The following BLM variants were observed in gnomAD, a reference collection of about 807,000 sequenced individuals.
BLM encodes recQ-like DNA helicase BLM.
In BLM, 95 loss-of-function variants were observed where a neutral mutation model predicts 135.3. That is an observed-to-expected ratio of 0.70 (90% confidence interval 0.59 to 0.83). The LOEUF is 0.83. Among genes scored for constraint, BLM ranks in the 40% least tolerant of loss-of-function variants. The probability of loss-of-function intolerance (pLI) is 0.00; values close to 1 mark genes in which losing one functional copy is unlikely to be tolerated. For synonymous variants in BLM, 520 were observed against 589.2 expected, an observed-to-expected ratio of 0.88 and a Z score of 1.70; for missense variants, 1,518 against 1,663.9, an observed-to-expected ratio of 0.91 and a Z score of 1.53.
intron 5 of BLM, among the ~76,000 whole-genome samples, chr15:90,759,690 T>C (rs1895910196): frequency 6.6e-6 from 1 of 151,824 alleles, no homozygotes; most frequent in African/African-American, 2.4e-5. Context: ...CACTGCAACC[T>C]CCACCTCCCA....
chr15:90,741,516 T>C (rs868591055), intron 1 of BLM, among the ~76,000 whole-genome samples: 37 of 152,304 alleles, frequency 2.4e-4, no homozygotes, highest in Middle Eastern at 6.8e-3. Flanking sequence ...GCTAGATTTA[T>C]GTTAGACTTT....
chr15:90,758,955 G>A (rs956158654), intron 5 of BLM, among the ~76,000 whole-genome samples: 7 of 152,128 alleles, frequency 4.6e-5, no homozygotes, highest in Admixed American at 3.9e-4. Flanking sequence ...CAAAACAACA[G>A]GTAGGGCTCT....
intron 12 of BLM, among the ~76,000 whole-genome samples, chr15:90,773,919 T>A (rs1896397996): frequency 6.6e-6 from 1 of 152,198 alleles, no homozygotes; most frequent in Non-Finnish European, 1.5e-5. Context: ...GTTTTGGTTT[T>A]TTTGAATAAT....
In BLM at chr15:90,723,344, C is replaced by CT. The variant is rs1190556628; in HGVS notation, c.-5+5919dup. Among the ~76,000 whole-genome samples the CT allele has an allele frequency of 2.5e-3, 316 of 128,298 alleles. 1 individual carries two copies. The highest frequency in any genetic ancestry group is 6.6e-3 in the South Asian group (26 of 3,914). The allele number at this position is 128,298 out of a possible 152,430, so 84.2% of individuals were successfully genotyped here. The stretch of plus-strand genomic sequence containing the variant: ...ACGTTGTAGATATAGTTTTTCTTTT[C>CT]TTTTTTTTTTTTTTTAATAGTAATT... On this transcript the variant is annotated intron_variant, in intron 1 of 21. Transcript: ENST00000355112.
intron 17 of BLM, among the ~76,000 whole-genome samples, chr15:90,799,394 T>C (rs966838504): frequency 5.3e-5 from 8 of 151,590 alleles, no homozygotes; most frequent in African/African-American, 1.7e-4. Context: ...GTAAATTTAG[T>C]GGAGAGGTTG....
chr15:90,742,338 TA>T (rs1355810352), intron 1 of BLM, among the ~76,000 whole-genome samples: 3 of 152,158 alleles, frequency 2.0e-5, no homozygotes, highest in Non-Finnish European at 2.9e-5. Context: ...AACCACCCCC[TA>T]AAATCTCCAC....
At position 90,747,285 on chromosome 15, in the gene BLM, T is replaced by C. The variant is rs964177972; in HGVS notation, c.-4-104T>C. On this transcript the variant is annotated intron_variant, in intron 1 of 21. Transcript: ENST00000355112. Reference sequence around the variant, plus strand: ...AAAAGTCCTATTACTCTGGGCACAGTTGGAACAATGCCTGTTTGAATCAAG... The same window carrying C: ...AAAAGTCCTATTACTCTGGGCACAGCTGGAACAATGCCTGTTTGAATCAAG... 4.4e-5 allele frequency: 35 copies of C among 791,076 alleles called. 1 individual carries two copies. The African/African-American group carries it at 5.0e-4, about 11-fold the overall frequency. The allele number at this position is 791,076 out of a possible 1,614,324, so 49.0% of individuals were successfully genotyped here.
intron 21 of BLM, among the ~76,000 whole-genome samples, chr15:90,814,458 A>G (rs1412110769): frequency 2.0e-5 from 3 of 152,210 alleles, no homozygotes; most frequent in Non-Finnish European, 4.4e-5. Context: ...CCTTGGCTTT[A>G]GAAGGCAGCG....
chr15:90,721,151 A>C (rs902570131), intron 1 of BLM, among the ~76,000 whole-genome samples: 6 of 152,172 alleles, frequency 3.9e-5, no homozygotes, highest in Non-Finnish European at 8.8e-5. Flanking sequence ...GTATGAAATG[A>C]TGCTCCATGT....
chr15:90,750,313 G>A (rs753123498), intron 3 of BLM, among the ~76,000 whole-genome samples: 5 of 152,118 alleles, frequency 3.3e-5, no homozygotes, highest in Admixed American at 2.0e-4. Context: ...GAAAATACAG[G>A]AGTTTCCCCT....
intron 12 of BLM, among the ~76,000 whole-genome samples, chr15:90,781,755 A>G (rs1419609331): frequency 1.3e-5 from 2 of 152,216 alleles, no homozygotes; most frequent in Admixed American, 1.3e-4. Flanking sequence ...CCTGGGCTGC[A>G]TGTGGCCCGT....
chr15:90,741,257 A>T (rs1895357001), intron 1 of BLM, among the ~76,000 whole-genome samples: 1 of 152,176 alleles, frequency 6.6e-6, no homozygotes, highest in Admixed American at 6.5e-5. Flanking sequence ...TTCTGGGTTA[A>T]TTTCTATCAG....
At chr15:90,791,893 G>A (rs1896913821) in intron 15 of BLM, among the ~76,000 whole-genome samples, 1 of 152,082 alleles carries the variant, frequency 6.6e-6, no homozygotes, top group Non-Finnish European at 1.5e-5. Context: ...GCCCACCTCA[G>A]CCTCCCAAAG....
At chr15:90,750,216 A>AT (rs1392823450) in intron 3 of BLM, 149 bp downstream of exon 3, 3 of 852,856 alleles carry the variant, frequency 3.5e-6, no homozygotes, top group Non-Finnish European at 5.6e-6. Context: ...TGTTGGCCAC[A>AT]TTTTTGAGGC....
chr15:90,783,556 A>G (rs539621640), intron 13 of BLM, among the ~76,000 whole-genome samples: 38 of 152,226 alleles, frequency 2.5e-4, no homozygotes, highest in Non-Finnish European at 4.6e-4. Context: ...TTTAATTTCC[A>G]TTTCTAAAAA....
chr15:90,752,787 A>C (rs1895722459), intron 4 of BLM, among the ~76,000 whole-genome samples: 1 of 152,230 alleles, frequency 6.6e-6, no homozygotes, highest in African/African-American at 2.4e-5. Flanking sequence ...CTCTCAGACC[A>C]GTTGAGTGGT....
At position 90,810,853 on chromosome 15, in the gene BLM, G is replaced by A. The variant is rs142234317; in HGVS notation, c.3875-352G>A. Among the ~76,000 whole-genome samples the A allele has an allele frequency of 1.2e-3, 176 of 152,284 alleles. 2 individuals carry two copies. The highest frequency in any genetic ancestry group is 3.7e-3 in the African/African-American group (155 of 41,570). ...AAAATTGCCTGCCATCTTTATAGCA[G>A]TTGATACTTTTTGAATTGCCTACCA... On this transcript the variant is annotated intron_variant, in intron 20 of 21. Transcript: ENST00000355112.
chr15:90,803,096 G>A (rs1225156757), intron 17 of BLM, among the ~76,000 whole-genome samples: 9 of 151,202 alleles, frequency 6.0e-5, no homozygotes, highest in Non-Finnish European at 1.3e-4. Flanking sequence ...CCAGGAGTTT[G>A]AGGCTGCAGT....
chr15:90,807,803 T>C (rs369954592), intron 19 of BLM, among the ~76,000 whole-genome samples: 1 of 152,234 alleles, frequency 6.6e-6, no homozygotes, highest in African/African-American at 2.4e-5. Context: ...TATAGTCTTT[T>C]TGAAGACATG....
Sources: gnomAD v4.1 joint callset for allele counts (sites outside exome capture counted in the v4.1 genomes callset) on GRCh38, gnomAD v4.1.1 for gene constraint, MANE v1.5 for transcripts, NCBI Gene and HGNC (gene_info 2026-07-23, HGNC 2026-07-21) for gene names.